DYTN: variants seen among roughly 807,000 people sequenced by gnomAD.
The protein encoded by DYTN is dystrotelin.
DYTN carries 75 observed loss-of-function variants against 69.6 expected under a neutral mutation model. That is an observed-to-expected ratio of 1.08 (90% CI 0.89 to 1.31). DYTN has a LOEUF of 1.31. Ranked by LOEUF, DYTN falls within the 50% of genes most tolerant of loss-of-function variation. The pLI, the probability that DYTN is intolerant of heterozygous loss-of-function variation, is 0.00. For missense variants in DYTN, 726 were observed against 688.4 expected, an observed-to-expected ratio of 1.05 and a Z score of -0.61; for synonymous variants, 252 against 249.1, an observed-to-expected ratio of 1.01 and a Z score of -0.11.
Position 206,699,888 on chromosome 2 carries a change from C to A in DYTN, c.558G>T (p.Val186=). The A allele has an allele frequency of 6.2e-7, 1 of 1,611,266 alleles. No homozygotes were observed. Among genetic ancestry groups the A allele is most frequent in the Non-Finnish European group, 8.5e-7 (1 of 1,178,966 alleles). ...ESATRSCFQG[V]LSPAIKEEKF... Reference sequence around the variant, plus strand: ...TTTCTTCTTTGATTGCTGGGCTCAACACCTGAAAAACAATGGCACTCTAAG... The same window carrying A: ...TTTCTTCTTTGATTGCTGGGCTCAAAACCTGAAAAACAATGGCACTCTAAG... The change falls in exon 7 of 12, where the codon GTG becomes GTT. Residue 186 remains valine, a splice_region_variant and synonymous_variant. Transcript: ENST00000452335.
intron 9 of DYTN, among the ~76,000 whole-genome samples, chr2:206,672,898 C>T (rs1699644857): frequency 6.6e-6 from 1 of 152,224 alleles, no homozygotes; most frequent in Non-Finnish European, 1.5e-5. Context: ...TTAAAGTTCA[C>T]TCCCCCATCT....
intron 11 of DYTN, among the ~76,000 whole-genome samples, chr2:206,655,746 T>C (rs1379348804): frequency 6.6e-6 from 1 of 152,248 alleles, no homozygotes; most frequent in Non-Finnish European, 1.5e-5. Flanking sequence ...CTTGACCCAC[T>C]GGTTGTTCAA....
At chr2:206,716,829 C>T (rs554304376) in intron 1 of DYTN, among the ~76,000 whole-genome samples, 1 of 152,192 alleles carries the variant, frequency 6.6e-6, no homozygotes, top group Non-Finnish European at 1.5e-5. Flanking sequence ...CCAGATGCTG[C>T]TCTTGGTAGA....
chr2:206,666,005 T>C lies in DYTN; in HGVS notation c.1005A>G (p.Gln335=). The part of the protein sequence containing the change: ...QARLLKKQLN[Q]YKDKLQAIYT... Reference sequence around the variant, plus strand: ...ATATAGCTTGCAACTTGTCTTTGTATTGGTTTAACTGTTTTTTAAGGAGCC... The same window carrying C: ...ATATAGCTTGCAACTTGTCTTTGTACTGGTTTAACTGTTTTTTAAGGAGCC... The change falls in exon 10 of 12, where the codon CAA becomes CAG. Residue 335 remains glutamine (Q), a synonymous_variant. Coordinates refer to ENST00000452335, the MANE Select transcript of DYTN (RefSeq NM_001093730.1). The C allele has an allele frequency of 6.2e-7, 1 of 1,613,898 alleles. No individual in the cohort carries two copies.
At chr2:206,672,842 A>G (rs1219899636) in intron 9 of DYTN, among the ~76,000 whole-genome samples, 1 of 152,246 alleles carries the variant, frequency 6.6e-6, no homozygotes, top group Admixed American at 6.5e-5. Context: ...ACTTAAAAAA[A>G]CATAGCATTT....
chr2:206,662,095 A>T (rs1699518684), intron 11 of DYTN, among the ~76,000 whole-genome samples: 1 of 152,206 alleles, frequency 6.6e-6, no homozygotes, highest in South Asian at 2.1e-4. Context: ...TCTACTCCAC[A>T]GTGTATTATA....
chr2:206,658,705 G>T (rs888265484), intron 11 of DYTN, among the ~76,000 whole-genome samples: 1 of 152,158 alleles, frequency 6.6e-6, no homozygotes, highest in Non-Finnish European at 1.5e-5. Context: ...TGGGATATGG[G>T]TTTTATTTTC....
At chr2:206,694,426 CA>C (rs1338448815) in intron 8 of DYTN, among the ~76,000 whole-genome samples, 1 of 152,074 alleles carries the variant, frequency 6.6e-6, no homozygotes, top group Non-Finnish European at 1.5e-5. Context: ...TCATTTTTGC[CA>C]TATCAGAGCC....
intron 2 of DYTN, among the ~76,000 whole-genome samples, chr2:206,708,085 G>C (rs1700045014): frequency 6.6e-6 from 1 of 152,134 alleles, no homozygotes; most frequent in Admixed American, 6.5e-5. Flanking sequence ...TAATACCACT[G>C]TTAACAATCT....
chr2:206,703,526 T>A (rs1240101130), intron 5 of DYTN, among the ~76,000 whole-genome samples: 1 of 151,974 alleles, frequency 6.6e-6, no homozygotes, highest in African/African-American at 2.4e-5. Flanking sequence ...AAAAAAAAAA[T>A]CATTGCTCCA....
At chr2:206,666,743 G>A (rs1234855326) in intron 9 of DYTN, among the ~76,000 whole-genome samples, 2 of 67,764 alleles carry the variant, frequency 3.0e-5, no homozygotes, top group African/African-American at 1.0e-4. Flanking sequence ...GTGTGCGTGT[G>A]TGTGTGTGTG....
intron 10 of DYTN, among the ~76,000 whole-genome samples, chr2:206,664,060 T>A (rs922910323): frequency 3.3e-5 from 5 of 150,002 alleles, no homozygotes; most frequent in Non-Finnish European, 5.9e-5. Context: ...TTCACCCTCA[T>A]ACACTAGCAG....
chr2:206,659,097 T>C (rs1344881192), intron 11 of DYTN, among the ~76,000 whole-genome samples: 1 of 151,704 alleles, frequency 6.6e-6, no homozygotes, highest in Non-Finnish European at 1.5e-5. Flanking sequence ...CAATCCAAGT[T>C]TGGAATTTAA....
At chr2:206,671,945 G>A (rs559000681) in intron 9 of DYTN, among the ~76,000 whole-genome samples, 13 of 152,340 alleles carry the variant, frequency 8.5e-5, no homozygotes, top group African/African-American at 2.9e-4. Context: ...AAACATAGCC[G>A]TATGTGCCTC....
chr2:206,665,840 C>T, intron 10 of DYTN, 30 bp downstream of exon 10: 1 of 1,608,644 alleles, frequency 6.2e-7, no homozygotes, highest in Non-Finnish European at 8.5e-7. Context: ...CCAGGCAGTC[C>T]AGATGGCCAG....
intron 9 of DYTN, among the ~76,000 whole-genome samples, chr2:206,691,840 A>T (rs1256254320): frequency 2.0e-5 from 3 of 152,208 alleles, no homozygotes; most frequent in Non-Finnish European, 4.4e-5. Flanking sequence ...TGGGATTGAG[A>T]TGGAGATTTG....
In DYTN at chr2:206,665,971, G is replaced by A. The variant is rs180718219; in HGVS notation, c.1039C>T (p.Gln347Ter). 2.0e-5 allele frequency: 33 copies of A among 1,613,892 alleles called. No individual in the cohort carries two copies. In the East Asian group the frequency reaches 5.8e-4, roughly 28 times the overall value. ...TCAAATCGACAAATTCTTTCTTCCT[G>A]GGAGGTGTATATAGCTTGCAACTTG... is the stretch of plus-strand genomic sequence containing the variant. Reference protein sequence around the residue: ...KDKLQAIYTSQEERICRFETR... With the variant: ...KDKLQAIYTS Residue 347 changes from glutamine to a stop codon, truncating the protein, a stop_gained, in exon 10 of 12, where the codon CAG becomes TAG. Coordinates refer to ENST00000452335, the MANE Select transcript of DYTN (RefSeq NM_001093730.1). LOFTEE classifies it high-confidence loss of function.
chr2:206,705,200 G>C, intron 4 of DYTN, among the ~76,000 whole-genome samples: 1 of 152,228 alleles, frequency 6.6e-6, no homozygotes, highest in Non-Finnish European at 1.5e-5. Flanking sequence ...GGATTCAAGC[G>C]ATTCTCTTGC....
intron 9 of DYTN, among the ~76,000 whole-genome samples, chr2:206,691,083 G>T (rs558771236): frequency 2.5e-4 from 38 of 152,298 alleles, no homozygotes; most frequent in Non-Finnish European, 4.6e-4. Context: ...ATGTGTAAAA[G>T]ATCAGTCTGA....
Sources: allele counts gnomAD v4.1 joint callset (sites outside exome capture counted in the v4.1 genomes callset), GRCh38; gene constraint gnomAD v4.1.1; transcripts MANE v1.5; gene names NCBI Gene and HGNC (gene_info 2026-07-23, HGNC 2026-07-21).